LSAMP: variants seen among roughly 807,000 people sequenced by gnomAD.
LSAMP encodes the protein limbic system-associated membrane protein.
A neutral mutation model predicts 38.6 loss-of-function variants in LSAMP; 7 were observed. That is an observed-to-expected ratio of 0.18 (90% CI 0.10 to 0.34). The LOEUF (loss-of-function observed/expected upper bound fraction) is 0.34. LSAMP is among the 10% of genes least tolerant of loss of function. The pLI, the probability that LSAMP is intolerant of heterozygous loss-of-function variation, is 1.00. For missense variants in LSAMP, 313 were observed against 420.0 expected (o/e 0.75, Z 2.23); for synonymous variants, 154 against 166.8 (o/e 0.92, Z 0.59).
At chr3:115,884,696 G>A (rs957494955) in intron 3 of LSAMP, among the ~76,000 whole-genome samples, 6 of 151,922 alleles carry the variant, frequency 3.9e-5, no homozygotes, top group Admixed American at 1.3e-4. Flanking sequence ...TTACAAATAC[G>A]AGCAGAAGTC....
intron 1 of LSAMP, among the ~76,000 whole-genome samples, chr3:116,298,657 T>C (rs763103600): frequency 1.5e-4 from 23 of 152,250 alleles, no homozygotes; most frequent in Admixed American, 2.0e-4. Flanking sequence ...AAGTATGTTA[T>C]ATATGTTTTG....
intron 1 of LSAMP, among the ~76,000 whole-genome samples, chr3:116,369,460 G>A (rs2048401521): frequency 1.3e-5 from 2 of 152,088 alleles, no homozygotes; most frequent in African/African-American, 4.8e-5. Context: ...CACTCTGGCA[G>A]GTCTATCAAA....
chr3:115,999,036 G>A (rs1576295308), intron 3 of LSAMP, among the ~76,000 whole-genome samples: 1 of 152,272 alleles, frequency 6.6e-6, no homozygotes, highest in South Asian at 2.1e-4. Context: ...ACCAAGCTGT[G>A]TTGCTGCTGC....
At chr3:116,073,259 G>T (rs1384614794) in intron 2 of LSAMP, among the ~76,000 whole-genome samples, 1 of 152,064 alleles carries the variant, frequency 6.6e-6, no homozygotes, top group Non-Finnish European at 1.5e-5. Context: ...TGTTCCATTG[G>T]TCTATGTGTC....
intron 3 of LSAMP, among the ~76,000 whole-genome samples, chr3:115,977,729 C>CAAA (rs56833385): frequency 0.12 from 16,124 of 129,298 alleles, 1,148 homozygotes; most frequent in Non-Finnish European, 0.18. Flanking sequence ...AACAGAACAC[C>CAAA]AAAAAAAAAA....
intron 1 of LSAMP, among the ~76,000 whole-genome samples, chr3:116,131,283 G>C (rs528689405): frequency 2.0e-5 from 3 of 151,806 alleles, no homozygotes; most frequent in African/African-American, 7.3e-5. Flanking sequence ...GAGCCACCTC[G>C]CCCGGCCTAA....
chr3:116,314,188 A>C (rs559557720), intron 1 of LSAMP, among the ~76,000 whole-genome samples: 215 of 152,344 alleles, frequency 1.4e-3, no homozygotes, highest in African/African-American at 5.1e-3. Flanking sequence ...TTAAGAACTC[A>C]GGCTCCAGAA....
intron 1 of LSAMP, among the ~76,000 whole-genome samples, chr3:116,188,594 T>C (rs930268461): frequency 6.6e-6 from 1 of 152,210 alleles, no homozygotes; most frequent in East Asian, 1.9e-4. Flanking sequence ...AAGTTCTTGC[T>C]GGCCCTGCTA....
chr3:116,315,927 C>T (rs1302483643), intron 1 of LSAMP, among the ~76,000 whole-genome samples: 2 of 152,068 alleles, frequency 1.3e-5, no homozygotes, highest in East Asian at 1.9e-4. Context: ...TGTTCAGAAA[C>T]GAATGGCATT....
At chr3:116,187,028 A>T (rs904381269) in intron 1 of LSAMP, among the ~76,000 whole-genome samples, 10 of 152,152 alleles carry the variant, frequency 6.6e-5, no homozygotes, top group Non-Finnish European at 1.5e-4. Context: ...AATAAAAAAC[A>T]CAACAAAGAA....
intron 1 of LSAMP, among the ~76,000 whole-genome samples, chr3:116,243,619 A>G (rs1218002885): frequency 6.6e-6 from 1 of 152,226 alleles, no homozygotes; most frequent in East Asian, 1.9e-4. Flanking sequence ...TGAGAACTCA[A>G]GAATTCTTAT....
intron 1 of LSAMP, among the ~76,000 whole-genome samples, chr3:116,195,929 A>G (rs1710872723): frequency 6.6e-6 from 1 of 152,250 alleles, no homozygotes; most frequent in African/African-American, 2.4e-5. Flanking sequence ...CGATGTTTAT[A>G]TGTATTAAGT....
chr3:116,001,399 C>G (rs1939989623), intron 3 of LSAMP, among the ~76,000 whole-genome samples: 1 of 152,158 alleles, frequency 6.6e-6, no homozygotes, highest in African/African-American at 2.4e-5. Context: ...TATTTCCTTC[C>G]AGAAAAGCTC....
At chr3:116,339,043 T>C (rs1220720784) in intron 1 of LSAMP, among the ~76,000 whole-genome samples, 1 of 151,964 alleles carries the variant, frequency 6.6e-6, no homozygotes, top group African/African-American at 2.4e-5. Context: ...AGGATTCTAC[T>C]TGCAAATGTA....
At chr3:115,948,200 A>G (rs1938165870) in intron 3 of LSAMP, among the ~76,000 whole-genome samples, 1 of 152,208 alleles carries the variant, frequency 6.6e-6, no homozygotes, top group African/African-American at 2.4e-5. Context: ...TCATATAACA[A>G]AGACAAAATT....
chr3:115,841,820 T>C lies in LSAMP; in HGVS notation c.919+25A>G, dbSNP rs1479152511. 1.9e-6 allele frequency: 3 copies of C among 1,580,822 alleles called. No individual in the cohort carries two copies. In the Admixed American group the frequency reaches 5.6e-5, roughly 30 times the overall value. On this transcript the variant is annotated intron_variant, in intron 6 of 6. Transcript: ENST00000490035. ...GAAAAGTCAATTTAATTCCATCAAG[T>C]TGGGCCCTGCTTTGGCATACTTACT...
chr3:116,444,132 C>T (rs2107894747), intron 1 of LSAMP, among the ~76,000 whole-genome samples: 1 of 152,202 alleles, frequency 6.6e-6, no homozygotes, highest in African/African-American at 2.4e-5. Flanking sequence ...TTAATTCTCT[C>T]CCAACCTCTG....
At chr3:115,857,557 G>T (rs574675061) in intron 3 of LSAMP, among the ~76,000 whole-genome samples, 3 of 152,086 alleles carry the variant, frequency 2.0e-5, no homozygotes, top group East Asian at 3.9e-4. Context: ...TCAGTATTTT[G>T]GTATTTTAAA....
intron 3 of LSAMP, among the ~76,000 whole-genome samples, chr3:115,941,351 T>A (rs1027276199): frequency 6.6e-6 from 1 of 152,118 alleles, no homozygotes; most frequent in East Asian, 1.9e-4. Flanking sequence ...ATAGCCATTA[T>A]GAAAAACAGT....
Sources: gnomAD v4.1 joint callset for allele counts (sites outside exome capture counted in the v4.1 genomes callset) on GRCh38, gnomAD v4.1.1 for gene constraint, MANE v1.5 for transcripts, NCBI Gene and HGNC (gene_info 2026-07-23, HGNC 2026-07-21) for gene names.